Variants in ZNF829 observed in about 807,000 individuals in gnomAD.
ZNF829 encodes the protein zinc finger protein 829.
Under a neutral mutation model 35.2 loss-of-function variants are expected in ZNF829, and 25 were observed. That is an observed-to-expected ratio of 0.71 (90% CI 0.52 to 0.99). The LOEUF (loss-of-function observed/expected upper bound fraction) is 0.99. Among genes scored for constraint, ZNF829 ranks in the 50% least tolerant of loss-of-function variants. The pLI is 0.00. For missense variants in ZNF829, 417 were observed against 515.3 expected, an observed-to-expected ratio of 0.81 and a Z score of 1.85; for synonymous variants, 136 against 163.2, an observed-to-expected ratio of 0.83 and a Z score of 1.27.
rs762925499 is a variant in ZNF829, at chr19:36,907,988, A to C, written c.260T>G (p.Leu87Trp). Residue 87 changes from leucine to tryptophan, a missense_variant, in exon 5 of 6, where the codon TTG (leucine) becomes TGG (tryptophan). Physicochemically the swap from Leu to Trp is moderately conservative, Grantham distance 61 (BLOSUM62 -2). Transcript: ENST00000391711. Reference sequence around the variant, plus strand: ...CATCCAGGGCTCTTTTCCTTGTTCCAATAAGGAGATCACAGCTGGCTTAGA... The same window carrying C: ...CATCCAGGGCTCTTTTCCTTGTTCCCATAAGGAGATCACAGCTGGCTTAGA... The part of the protein sequence containing the change: ...SNSKPAVISL[L>W]EQGKEPWMVD... The C allele has an allele frequency of 6.2e-7, 1 of 1,613,990 alleles. No homozygotes were observed. The highest frequency in any genetic ancestry group is 8.5e-7 in the Non-Finnish European group (1 of 1,179,928).
intron 5 of ZNF829, among the ~76,000 whole-genome samples, chr19:36,896,328 A>G (rs1385680768): frequency 4.6e-5 from 7 of 151,148 alleles, no homozygotes; most frequent in Admixed American, 1.3e-4. Flanking sequence ...AAGAAAGAAA[A>G]AAAAATTAGC....
chr19:36,910,592 T>C (rs2073255680), intron 3 of ZNF829, among the ~76,000 whole-genome samples: 1 of 152,246 alleles, frequency 6.6e-6, no homozygotes, highest in Admixed American at 6.5e-5. Context: ...ATCTTTCATT[T>C]CAGACATTTT....
intron 5 of ZNF829, among the ~76,000 whole-genome samples, chr19:36,903,621 C>A (rs942882911): frequency 6.6e-6 from 1 of 151,968 alleles, no homozygotes; most frequent in East Asian, 1.9e-4. Context: ...TTGGGCACGG[C>A]GGCTCAGACC....
chr19:36,908,576 G>T, intron 3 of ZNF829, 117 bp from the exon 4 acceptor site: 1 of 1,170,022 alleles, frequency 8.5e-7, no homozygotes, highest in Non-Finnish European at 1.2e-6. Context: ...CATATCAGAA[G>T]ATATACGTCC....
chr19:36,909,322 AT>A (rs1402506215), intron 3 of ZNF829, among the ~76,000 whole-genome samples: 1 of 152,168 alleles, frequency 6.6e-6, no homozygotes, highest in African/African-American at 2.4e-5. Context: ...ATGTTAGAGA[AT>A]TTGAAAAAAA....
intron 2 of ZNF829, 22 bp downstream of exon 2, chr19:36,915,108 C>A (rs374949546): frequency 6.2e-7 from 1 of 1,613,964 alleles, no homozygotes; most frequent in African/African-American, 1.3e-5. Context: ...AGTAAGAGTT[C>A]TTCCCCAGCC....
At chr19:36,908,144 A>C (rs1300338171) in intron 4 of ZNF829, 120 bp from the exon 5 acceptor site, 1 of 1,172,756 alleles carries the variant, frequency 8.5e-7, no homozygotes, top group Non-Finnish European at 1.2e-6. Context: ...AAGATGGAGA[A>C]GATGAAGCTT....
intron 5 of ZNF829, among the ~76,000 whole-genome samples, chr19:36,896,968 C>T (rs1262563220): frequency 6.6e-6 from 1 of 152,048 alleles, no homozygotes; most frequent in African/African-American, 2.4e-5. Context: ...CAGAAAAATT[C>T]CTGGATACAT....
rs1442079565 is a variant in ZNF829 at position 36,892,439 on chromosome 19, A to G, written c.352T>C (p.Ser118Pro). Residue 118 changes from serine to proline, a missense_variant, in exon 6 of 6, where the codon TCT becomes CCT. Transcript: ENST00000391711. ...LESMCETKIL[S>P]LKKRHFSQVI... ...TGACTGAAATGTCTCTTCTTTAGAG[A>G]TAATATTTTGGTCTCACACATTGAT... 6 of 1,598,862 alleles carry G rather than the reference A, an allele frequency of 3.8e-6. No individual in the cohort carries two copies. The highest frequency in any genetic ancestry group is 3.4e-5 in the Admixed American group (2 of 58,424).
Position 36,896,324 on chromosome 19 carries a change from GA to G in ZNF829, c.320-3854del, listed in dbSNP as rs544841376. On this transcript the variant is annotated intron_variant, in intron 5 of 5. Transcript: ENST00000391711. Reference sequence around the variant, plus strand: ...AGACTGTCAAAAAAAAAAAAAGAAAGAAAAAAAAATTAGCTGGGCGTGGTGG... The same window carrying G: ...AGACTGTCAAAAAAAAAAAAAGAAAGAAAAAAAATTAGCTGGGCGTGGTGG... Among the ~76,000 whole-genome samples, 17 of 146,398 alleles carry G rather than the reference GA, an allele frequency of 1.2e-4. 1 individual carries two copies. The highest frequency in any genetic ancestry group is 4.0e-4 in the East Asian group (2 of 4,956).
intron 5 of ZNF829, among the ~76,000 whole-genome samples, chr19:36,896,061 C>T (rs879334088): frequency 2.0e-5 from 3 of 152,062 alleles, no homozygotes; most frequent in Non-Finnish European, 4.4e-5. Flanking sequence ...CCTGTAATCC[C>T]AGCACTTTGG....
At chr19:36,899,533 T>C (rs1477389388) in intron 5 of ZNF829, among the ~76,000 whole-genome samples, 2 of 151,906 alleles carry the variant, frequency 1.3e-5, no homozygotes, top group Non-Finnish European at 2.9e-5. Flanking sequence ...TTGATAAATA[T>C]TCAAAGTGAT....
chr19:36,892,576 C>T, intron 5 of ZNF829, 105 bp from the exon 6 acceptor site: 4 of 1,249,900 alleles, frequency 3.2e-6, no homozygotes, highest in Non-Finnish European at 4.3e-6. Flanking sequence ...TGAGAAATTA[C>T]ACAGTTTTCA....
At position 36,892,438 on chromosome 19, in the gene ZNF829, GATA is replaced by G. The variant is rs1283816851; in HGVS notation, c.350_352del (p.Leu117del). On this transcript the variant is annotated inframe_deletion, in exon 6 of 6. Coordinates refer to ENST00000391711, the MANE Select transcript of ZNF829 (RefSeq NM_001037232.4). ...TTGACTGAAATGTCTCTTCTTTAGA[GATA>G]ATATTTTGGTCTCACACATTGATTC... 6.3e-7 allele frequency: 1 copy of G among 1,599,032 alleles called. No individual in the cohort carries two copies. Among genetic ancestry groups the G allele is most frequent in the African/African-American group, 1.3e-5 (1 of 74,362 alleles).
At chr19:36,907,639 C>T (rs1385005396) in intron 5 of ZNF829, 1 of 213,404 alleles carries the variant, frequency 4.7e-6, no homozygotes, top group African/African-American at 2.3e-5. Flanking sequence ...GAAAAAGACA[C>T]ACATGCACTT....
At chr19:36,902,757 C>T (rs530124011) in intron 5 of ZNF829, among the ~76,000 whole-genome samples, 57 of 152,190 alleles carry the variant, frequency 3.7e-4, no homozygotes, top group Admixed American at 1.1e-3. Context: ...ACTGTTGGGC[C>T]GGGTGCAGTG....
At position 36,890,214 on chromosome 19, in the gene ZNF829, CAGAAG is replaced by C. The variant is rs2073036872; in HGVS notation, c.*1273_*1277del. Reference sequence around the variant, plus strand: ...CCTATTTTTGAGAATGTTCCATGCACAGAAGAGAAGAGTATATATTCTGTGGTTGT... The same window carrying C: ...CCTATTTTTGAGAATGTTCCATGCACAGAAGAGTATATATTCTGTGGTTGT... On this transcript the variant is annotated 3_prime_UTR_variant, in exon 6 of 6. Transcript: ENST00000391711. 2 of 152,130 alleles carry C rather than the reference CAGAAG, an allele frequency of 1.3e-5. No homozygotes were observed. The highest frequency in any genetic ancestry group is 2.1e-4 in the South Asian group (1 of 4,828). 9.4% of individuals were successfully genotyped at this position (152,130 alleles called of 1,614,324 possible). A position where few individuals can be genotyped will look rare whatever the true frequency, so the allele number is the denominator to read the frequency against.
intron 5 of ZNF829, among the ~76,000 whole-genome samples, chr19:36,903,689 G>A (rs901263917): frequency 1.3e-5 from 2 of 152,138 alleles, no homozygotes; most frequent in African/African-American, 4.8e-5. Flanking sequence ...TCAGGAATTC[G>A]AGACCATCCT....
At chr19:36,901,322 A>G (rs1383754761) in intron 5 of ZNF829, among the ~76,000 whole-genome samples, 1 of 152,214 alleles carries the variant, frequency 6.6e-6, no homozygotes, top group Non-Finnish European at 1.5e-5. Context: ...GCAAATCCAT[A>G]GAGAAAATCA....
Sources: allele counts gnomAD v4.1 joint callset (sites outside exome capture counted in the v4.1 genomes callset), GRCh38; gene constraint gnomAD v4.1.1; transcripts MANE v1.5; gene names NCBI Gene and HGNC (gene_info 2026-07-23, HGNC 2026-07-21).